GRID2: variants seen among roughly 807,000 people sequenced by gnomAD.
GRID2 encodes the protein glutamate receptor ionotropic, delta-2.
Under a neutral mutation model 114.8 loss-of-function variants are expected in GRID2, and 33 were observed. That is an observed-to-expected ratio of 0.29 (90% confidence interval 0.22 to 0.38). The LOEUF is 0.38. GRID2 is among the 10% of genes least tolerant of loss of function. GRID2 has a pLI of 1.00. For synonymous variants in GRID2, 505 were observed against 449.9 expected (o/e 1.12, Z -1.55); for missense variants, 1,184 against 1,257.7 (o/e 0.94, Z 0.89).
chr4:93,483,363 A>T (rs1726060593), intron 11 of GRID2, among the ~76,000 whole-genome samples: 1 of 151,952 alleles, frequency 6.6e-6, no homozygotes, highest in South Asian at 2.1e-4. Flanking sequence ...TTTTTAAAAA[A>T]GGTATTAGTT....
At chr4:92,402,577 T>C (rs533292747) in intron 1 of GRID2, among the ~76,000 whole-genome samples, 1 of 152,322 alleles carries the variant, frequency 6.6e-6, no homozygotes, top group South Asian at 2.1e-4. Context: ...AAATGAGTAC[T>C]AATATTTTTA....
chr4:92,914,727 T>C (rs766877850), intron 2 of GRID2, among the ~76,000 whole-genome samples: 44 of 152,260 alleles, frequency 2.9e-4, no homozygotes, highest in African/African-American at 4.1e-4. Context: ...AGCTTATCCA[T>C]GTTCTTGCAA....
At chr4:93,175,368 A>G (rs1225232561) in intron 4 of GRID2, among the ~76,000 whole-genome samples, 3 of 152,086 alleles carry the variant, frequency 2.0e-5, no homozygotes, top group Non-Finnish European at 4.4e-5. Context: ...ACGAGGTTTC[A>G]TCATGTTGGC....
At chr4:92,307,006 C>T (rs998522920) in intron 1 of GRID2, among the ~76,000 whole-genome samples, 1 of 151,798 alleles carries the variant, frequency 6.6e-6, no homozygotes, top group African/African-American at 2.4e-5. Flanking sequence ...TATAATATAT[C>T]GAAAAACATT....
At chr4:92,855,259 T>A (rs1047070446) in intron 2 of GRID2, among the ~76,000 whole-genome samples, 1 of 152,050 alleles carries the variant, frequency 6.6e-6, no homozygotes, top group Non-Finnish European at 1.5e-5. Flanking sequence ...TACCTCTGTA[T>A]GTCACTTTAG....
At chr4:92,652,346 T>G (rs1731983228) in intron 2 of GRID2, among the ~76,000 whole-genome samples, 1 of 151,970 alleles carries the variant, frequency 6.6e-6, no homozygotes, top group Non-Finnish European at 1.5e-5. Context: ...CCTAGTCAAG[T>G]TGACACATAA....
intron 1 of GRID2, among the ~76,000 whole-genome samples, chr4:92,492,904 G>A (rs376363297): frequency 8.6e-5 from 13 of 151,974 alleles, no homozygotes; most frequent in South Asian, 6.2e-4. Context: ...CTAGGCGCGC[G>A]GATCACTGGA....
At chr4:92,473,620 C>T (rs1722148002) in intron 1 of GRID2, among the ~76,000 whole-genome samples, 1 of 151,976 alleles carries the variant, frequency 6.6e-6, no homozygotes, top group African/African-American at 2.4e-5. Context: ...AATTTTATCA[C>T]TCAGAGTATG....
chr4:93,542,379 C>A (rs1732738329), intron 13 of GRID2, among the ~76,000 whole-genome samples: 1 of 152,084 alleles, frequency 6.6e-6, no homozygotes, highest in Non-Finnish European at 1.5e-5. Flanking sequence ...CTTTTGGATT[C>A]TACTGAAAGA....
At chr4:92,585,499 A>T (rs1213389937) in intron 1 of GRID2, among the ~76,000 whole-genome samples, 4 of 152,024 alleles carry the variant, frequency 2.6e-5, no homozygotes, top group Admixed American at 2.0e-4. Context: ...AAGTTTTTCT[A>T]GATGATATGC....
At position 92,905,181 on chromosome 4, in the gene GRID2, T is replaced by C. The variant is rs148720935; in HGVS notation, c.245-179814T>C. ...TTCAATGGTACTGACGATCATATAT[T>C]AGATGGTAAAGTGGATTACTGAAAG... On this transcript the variant is annotated intron_variant, in intron 2 of 15. Coordinates refer to ENST00000282020, the MANE Select transcript of GRID2 (RefSeq NM_001510.4). 2.5e-3 allele frequency among the ~76,000 whole-genome samples: 381 copies of C among 152,134 alleles called. 10 individuals carry two copies. The East Asian group carries it at 0.056, about 22-fold the overall frequency.
chr4:92,668,082 C>A (rs1228959817), intron 2 of GRID2, among the ~76,000 whole-genome samples: 1 of 151,638 alleles, frequency 6.6e-6, no homozygotes, highest in Non-Finnish European at 1.5e-5. Flanking sequence ...TTAAGTGAAG[C>A]AGTTTGTTAA....
intron 1 of GRID2, among the ~76,000 whole-genome samples, chr4:92,529,396 C>CT: frequency 6.6e-6 from 1 of 152,078 alleles, no homozygotes; most frequent in Non-Finnish European, 1.5e-5. Flanking sequence ...GATCAAAATG[C>CT]TTTTTTCTTC....
At chr4:93,712,705 T>G (rs1002485094) in intron 14 of GRID2, among the ~76,000 whole-genome samples, 2 of 152,196 alleles carry the variant, frequency 1.3e-5, no homozygotes, top group Non-Finnish European at 2.9e-5. Context: ...TAAATTATTT[T>G]ATTTCCATAA....
chr4:93,401,627 T>G (rs1335642015), intron 9 of GRID2, among the ~76,000 whole-genome samples: 1 of 152,120 alleles, frequency 6.6e-6, no homozygotes, highest in Non-Finnish European at 1.5e-5. Flanking sequence ...AATATACCAA[T>G]TAGAAAACAT....
At chr4:92,912,467 C>A (rs1748461724) in intron 2 of GRID2, among the ~76,000 whole-genome samples, 1 of 150,298 alleles carries the variant, frequency 6.7e-6, no homozygotes, top group South Asian at 2.1e-4. Flanking sequence ...ATTTTAGTTA[C>A]ACAGATAGTG....
intron 3 of GRID2, among the ~76,000 whole-genome samples, chr4:93,099,528 ATATCT>A (rs1218352419): frequency 6.6e-6 from 1 of 151,890 alleles, no homozygotes; most frequent in Non-Finnish European, 1.5e-5. Context: ...TATTGACAAA[ATATCT>A]TAGCATGGAA....
Position 93,318,017 on chromosome 4 carries a change from ATATATT to A in GRID2, c.1246-77589_1246-77584del, listed in dbSNP as rs1489718608. Among the ~76,000 whole-genome samples the A allele has an allele frequency of 7.4e-5, 9 of 122,022 alleles. 1 individual carries two copies. In the Admixed American group the frequency reaches 7.5e-4, roughly 10 times the overall value. 80.1% of individuals were successfully genotyped at this position (122,022 alleles called of 152,430 possible). On this transcript the variant is annotated intron_variant, in intron 8 of 15. Coordinates refer to ENST00000282020, the MANE Select transcript of GRID2 (RefSeq NM_001510.4). ...TATATATATATATATATATATATAT[ATATATT>A]ACTACTTTCTTCAAGCAGTTGGTGA...
intron 1 of GRID2, among the ~76,000 whole-genome samples, chr4:92,544,956 C>G (rs1354757090): frequency 6.6e-6 from 1 of 151,630 alleles, no homozygotes; most frequent in African/African-American, 2.4e-5. Flanking sequence ...ACTTTTACAC[C>G]TTTATTCTTT....
Sources: gnomAD v4.1 joint callset for allele counts (sites outside exome capture counted in the v4.1 genomes callset) on GRCh38, gnomAD v4.1.1 for gene constraint, MANE v1.5 for transcripts, NCBI Gene and HGNC (gene_info 2026-07-23, HGNC 2026-07-21) for gene names.